Variants in CPQ observed in about 807,000 individuals in gnomAD.
The protein encoded by CPQ is carboxypeptidase Q, also known as Ser-Met dipeptidase.
A neutral mutation model predicts 45.7 loss-of-function variants in CPQ; 37 were observed. The ratio of observed to expected loss-of-function variants is 0.81; its 90% CI spans 0.62 to 1.07. The LOEUF is 1.07. Among genes scored for constraint, CPQ ranks in the 50% least tolerant of loss-of-function variants. The pLI, the probability that CPQ is intolerant of heterozygous loss-of-function variation, is 0.00. For synonymous variants in CPQ, 186 were observed against 205.8 expected (o/e 0.90, Z 0.82); for missense variants, 537 against 572.9 (o/e 0.94, Z 0.64).
intron 2 of CPQ, among the ~76,000 whole-genome samples, chr8:96,804,583 T>TA (rs1257989428): frequency 6.6e-6 from 1 of 152,100 alleles, no homozygotes; most frequent in Non-Finnish European, 1.5e-5. Context: ...TTTTTAATTT[T>TA]AAAAAATCTA....
chr8:96,908,777 A>ACACCCACC (rs147900019), intron 4 of CPQ, among the ~76,000 whole-genome samples: 8 of 150,164 alleles, frequency 5.3e-5, no homozygotes, highest in Non-Finnish European at 7.4e-5. Flanking sequence ...ACACACACAC[A>ACACCCACC]CCATATATTC....
At chr8:96,686,343 T>C (rs1809226840) in intron 1 of CPQ, among the ~76,000 whole-genome samples, 1 of 152,046 alleles carries the variant, frequency 6.6e-6, no homozygotes, top group South Asian at 2.1e-4. Flanking sequence ...AACAGAGATA[T>C]TTTGTCATAT....
At chr8:96,848,701 T>C (rs1178194137) in intron 3 of CPQ, among the ~76,000 whole-genome samples, 2 of 152,334 alleles carry the variant, frequency 1.3e-5, no homozygotes, top group African/African-American at 4.8e-5. Flanking sequence ...GTTGTCAAAT[T>C]TGGGAAAATG....
chr8:96,881,561 A>T (rs921077840), intron 4 of CPQ, among the ~76,000 whole-genome samples: 5 of 152,236 alleles, frequency 3.3e-5, no homozygotes, highest in African/African-American at 1.2e-4. Context: ...GATCTAAATC[A>T]TATGAAGTTT....
chr8:97,109,188 C>A (rs13271599), intron 7 of CPQ, among the ~76,000 whole-genome samples: 12,927 of 152,188 alleles, frequency 0.085, 658 homozygotes, highest in Non-Finnish European at 0.1. Context: ...AGCCATAATC[C>A]ATTTCAAGGG....
Position 96,836,263 on chromosome 8 carries a change from A to C in CPQ, c.641+1083A>C, listed in dbSNP as rs547777752. ...TTAATTAGCACCCTACACCCCTGAA[A>C]ATAAAAATAACTGGGGAACATATGT... On this transcript the variant is annotated intron_variant, in intron 3 of 7. Transcript: ENST00000220763. Among the ~76,000 whole-genome samples, 12 of 152,268 alleles carry C rather than the reference A, an allele frequency of 7.9e-5. No homozygotes were observed. In the South Asian group the frequency reaches 2.5e-3, roughly 32 times the overall value.
chr8:96,722,421 T>TG (rs1001758259), intron 1 of CPQ, among the ~76,000 whole-genome samples: 66 of 141,048 alleles, frequency 4.7e-4, no homozygotes, highest in African/African-American at 2.0e-3. Context: ...ACCATACCAG[T>TG]TTTTTTTTTC....
chr8:97,053,668 C>T (rs1810402169), intron 6 of CPQ, among the ~76,000 whole-genome samples: 1 of 152,166 alleles, frequency 6.6e-6, no homozygotes, highest in African/African-American at 2.4e-5. Flanking sequence ...GGGCCATTTT[C>T]TCTGAGTGAG....
chr8:96,821,126 A>ATTTTTTTTTTT (rs572906188), intron 2 of CPQ, among the ~76,000 whole-genome samples: 36 of 60,936 alleles, frequency 5.9e-4, no homozygotes, highest in Non-Finnish European at 7.4e-4. Flanking sequence ...TTTAATCTGA[A>ATTTTTTTTTTT]TTTTTTTTTT....
At chr8:97,047,115 A>T (rs1416570466) in intron 6 of CPQ, among the ~76,000 whole-genome samples, 2 of 152,208 alleles carry the variant, frequency 1.3e-5, no homozygotes, top group Non-Finnish European at 2.9e-5. Flanking sequence ...CTATGTGATC[A>T]TTTATAAATT....
rs562249037 is a variant in CPQ, at chr8:96,775,323, A to G, written c.-34-9541A>G. Among the ~76,000 whole-genome samples the G allele has an allele frequency of 3.3e-5, 5 of 152,292 alleles. No individual in the cohort carries two copies. The South Asian group carries it at 8.3e-4, about 25-fold the overall frequency. On this transcript the variant is annotated intron_variant, in intron 1 of 7. Transcript: ENST00000220763. The stretch of plus-strand genomic sequence containing the variant: ...GTGTACATTTTTAAATAAATATATT[A>G]TCCTAACTGTAATATAAAGGAACAA...
chr8:97,040,379 A>G (rs1252760614), intron 6 of CPQ, among the ~76,000 whole-genome samples: 2 of 151,546 alleles, frequency 1.3e-5, no homozygotes, highest in Non-Finnish European at 3.0e-5. Context: ...GATTCTGGAT[A>G]TTAGCCCTTT....
At chr8:96,944,587 T>G (rs1045334586) in intron 4 of CPQ, among the ~76,000 whole-genome samples, 4 of 152,150 alleles carry the variant, frequency 2.6e-5, no homozygotes, top group Non-Finnish European at 5.9e-5. Flanking sequence ...AGCTTTAACC[T>G]TTTGAAGGTT....
chr8:96,724,240 G>GCTCAGAA (rs1250368156), intron 1 of CPQ, among the ~76,000 whole-genome samples: 1 of 151,826 alleles, frequency 6.6e-6, no homozygotes, highest in Non-Finnish European at 1.5e-5. Context: ...GTATTATACT[G>GCTCAGAA]CTCAGAATCA....
intron 6 of CPQ, among the ~76,000 whole-genome samples, chr8:97,059,321 T>A (rs73281777): frequency 0.02 from 3,042 of 152,214 alleles, 95 homozygotes; most frequent in African/African-American, 0.068. Context: ...GATGGTTAGA[T>A]CCACAGAGGC....
chr8:96,914,829 G>A (rs563909830), intron 4 of CPQ, among the ~76,000 whole-genome samples: 5 of 152,262 alleles, frequency 3.3e-5, no homozygotes, highest in South Asian at 4.1e-4. Flanking sequence ...ACACTTGGCA[G>A]TTTGGAAAAA....
chr8:96,747,359 T>A, intron 1 of CPQ, among the ~76,000 whole-genome samples: 1 of 151,122 alleles, frequency 6.6e-6, no homozygotes, highest in East Asian at 1.9e-4. Context: ...GACCAATGCA[T>A]AGAGAGAAGT....
chr8:96,911,636 G>A (rs1247285886), intron 4 of CPQ, among the ~76,000 whole-genome samples: 1 of 152,132 alleles, frequency 6.6e-6, no homozygotes, highest in Non-Finnish European at 1.5e-5. Context: ...AGCCATCAGG[G>A]CCCACTCTAT....
At chr8:96,919,597 T>C (rs1812781110) in intron 4 of CPQ, among the ~76,000 whole-genome samples, 1 of 152,180 alleles carries the variant, frequency 6.6e-6, no homozygotes, top group South Asian at 2.1e-4. Flanking sequence ...TTTAAAGCCT[T>C]AAACTGGTTT....
Sources: gnomAD v4.1 joint callset for allele counts (sites outside exome capture counted in the v4.1 genomes callset) on GRCh38, gnomAD v4.1.1 for gene constraint, MANE v1.5 for transcripts, NCBI Gene and HGNC (gene_info 2026-07-23, HGNC 2026-07-21) for gene names.